The following LHFPL3 variants were observed in gnomAD, a reference collection of about 807,000 sequenced individuals.
LHFPL3 encodes LHFPL tetraspan subfamily member 3 protein.
Under a neutral mutation model 19.3 loss-of-function variants are expected in LHFPL3, and 5 were observed. The observed-to-expected ratio is 0.26, with a 90% CI of 0.14 to 0.54. The LOEUF (loss-of-function observed/expected upper bound fraction) is 0.54, where lower values mean the gene tolerates loss of function less well. Ranked by LOEUF, LHFPL3 falls within the 20% of genes least tolerant of loss-of-function variation. LHFPL3 has a pLI of 0.94. For synonymous variants in LHFPL3, 133 were observed against 126.2 expected (o/e 1.05, Z -0.36); for missense variants, 249 against 307.4 (o/e 0.81, Z 1.42).
intron 1 of LHFPL3, among the ~76,000 whole-genome samples, chr7:104,628,812 G>A (rs1541594): frequency 0.96 from 146,041 of 152,074 alleles, 70,358 homozygotes; most frequent in East Asian, 1. Flanking sequence ...AACTGACTCC[G>A]ATTCTCCTCT....
At chr7:104,836,383 C>T (rs1475312573) in intron 2 of LHFPL3, among the ~76,000 whole-genome samples, 2 of 152,166 alleles carry the variant, frequency 1.3e-5, no homozygotes, top group Non-Finnish European at 2.9e-5. Context: ...CCGTGGCTGT[C>T]TTGTTGCTTT....
At chr7:104,585,271 C>G (rs1400855233) in intron 1 of LHFPL3, among the ~76,000 whole-genome samples, 1 of 152,008 alleles carries the variant, frequency 6.6e-6, no homozygotes, top group Non-Finnish European at 1.5e-5. Context: ...AAGGACTCTA[C>G]CCAAGAAAAC....
intron 1 of LHFPL3, among the ~76,000 whole-genome samples, chr7:104,386,964 A>C (rs1321461877): frequency 6.6e-6 from 1 of 152,188 alleles, no homozygotes; most frequent in African/African-American, 2.4e-5. Context: ...TACAAGACAC[A>C]CAAAGAAACA....
rs147062289 is a variant in LHFPL3 at position 104,638,459 on chromosome 7, T to C, written c.446-98216T>C. ...GGAGTGGTGAGACAGGGCATCCTTG[T>C]CTTGTGCCAGTTTTCAAGAGAAATG... On this transcript the variant is annotated intron_variant, in intron 1 of 2. Transcript: ENST00000424859. Among the ~76,000 whole-genome samples, 96 of 152,230 alleles carry C rather than the reference T, an allele frequency of 6.3e-4. 1 individual carries two copies. The highest frequency in any genetic ancestry group is 2.2e-3 in the African/African-American group (90 of 41,554).
chr7:104,470,647 G>A (rs570574312), intron 1 of LHFPL3, among the ~76,000 whole-genome samples: 1 of 152,246 alleles, frequency 6.6e-6, no homozygotes, highest in African/African-American at 2.4e-5. Flanking sequence ...GGAAACAGAG[G>A]GGCAAATAGG....
At position 104,604,490 on chromosome 7, in the gene LHFPL3, C is replaced by T. The variant is rs78794659; in HGVS notation, c.446-132185C>T. ...GGCTCCCTTCTGCTCATCTCCTTAG[C>T]GGATGGCCACTTGGCCACACCCTTA... is the stretch of plus-strand genomic sequence containing the variant. On this transcript the variant is annotated intron_variant, in intron 1 of 2. Coordinates refer to ENST00000424859, the MANE Select transcript of LHFPL3 (RefSeq NM_199000.3). Among the ~76,000 whole-genome samples, 1,302 of 152,340 alleles carry T rather than the reference C, an allele frequency of 8.5e-3. 16 individuals carry two copies. The highest frequency in any genetic ancestry group is 0.024 in the Middle Eastern group (7 of 294).
At chr7:104,330,649 A>C (rs1801550148) in intron 1 of LHFPL3, among the ~76,000 whole-genome samples, 1 of 152,202 alleles carries the variant, frequency 6.6e-6, no homozygotes, top group Non-Finnish European at 1.5e-5. Context: ...GCAAGAAATG[A>C]GCAGCAGTAG....
At position 104,668,693 on chromosome 7, in the gene LHFPL3, T is replaced by C. The variant is rs867636362; in HGVS notation, c.446-67982T>C. The C allele has an allele frequency of 4.2e-5, 67 of 1,607,758 alleles. 1 individual carries two copies. The Middle Eastern group carries it at 3.7e-3, about 89-fold the overall frequency. ...GCTCCAGAGATGATTACTCTCGGGA[T>C]GATTATAGGCGTGATGATAGAGGTC... On this transcript the variant is annotated intron_variant, in intron 1 of 2. Coordinates refer to ENST00000424859, the MANE Select transcript of LHFPL3 (RefSeq NM_199000.3).
At chr7:104,742,713 T>C (rs778350978) in intron 2 of LHFPL3, among the ~76,000 whole-genome samples, 2 of 152,196 alleles carry the variant, frequency 1.3e-5, no homozygotes, top group Non-Finnish European at 2.9e-5. Context: ...AGCTATAATA[T>C]ATTTCAATTC....
Position 104,733,917 on chromosome 7 carries a change from G to A in LHFPL3, c.446-2758G>A, listed in dbSNP as rs190831796. 3.0e-3 allele frequency among the ~76,000 whole-genome samples: 458 copies of A among 152,254 alleles called. 3 individuals carry two copies. Among genetic ancestry groups the A allele is most frequent in the African/African-American group, 0.011 (443 of 41,536 alleles). ...CAGGAGCTCTTGTAGGGCAGGCCTGGTGGTGACAAAATCTCTCAGCATTTG... is the reference window on the plus strand; with the variant it reads ...CAGGAGCTCTTGTAGGGCAGGCCTGATGGTGACAAAATCTCTCAGCATTTG... On this transcript the variant is annotated intron_variant, in intron 1 of 2. Coordinates refer to ENST00000424859, the MANE Select transcript of LHFPL3 (RefSeq NM_199000.3).
intron 2 of LHFPL3, chr7:104,759,869 G>A (rs933729339): frequency 1.3e-5 from 2 of 152,190 alleles, no homozygotes; most frequent in Non-Finnish European, 2.9e-5. Flanking sequence ...AGAAAATCAA[G>A]GTTCAGGCAT....
chr7:104,409,145 G>T (rs1791484028), intron 1 of LHFPL3, among the ~76,000 whole-genome samples: 1 of 151,808 alleles, frequency 6.6e-6, no homozygotes, highest in Non-Finnish European at 1.5e-5. Context: ...CAAAATGCTG[G>T]GATTAGAGGC....
chr7:104,593,461 C>A (rs1223346359), intron 1 of LHFPL3, among the ~76,000 whole-genome samples: 1 of 152,068 alleles, frequency 6.6e-6, no homozygotes, highest in East Asian at 1.9e-4. Flanking sequence ...ACTTCCAAGT[C>A]TGTGGTCATT....
chr7:104,636,670 TG>T (rs1354387214), intron 1 of LHFPL3, among the ~76,000 whole-genome samples: 3 of 152,178 alleles, frequency 2.0e-5, no homozygotes, highest in Non-Finnish European at 4.4e-5. Flanking sequence ...CTAAGTATAA[TG>T]GCCTCCAGCT....
chr7:104,710,584 A>G (rs1793283872), intron 1 of LHFPL3, among the ~76,000 whole-genome samples: 1 of 152,186 alleles, frequency 6.6e-6, no homozygotes, highest in Non-Finnish European at 1.5e-5. Context: ...CCGAGGCATC[A>G]ATCCTGACAC....
At chr7:104,475,613 C>A (rs1189961293) in intron 1 of LHFPL3, among the ~76,000 whole-genome samples, 2 of 152,126 alleles carry the variant, frequency 1.3e-5, no homozygotes, top group East Asian at 3.9e-4. Context: ...AAAATTATGT[C>A]TCACAGAAAG....
chr7:104,343,658 A>T (rs548911049), intron 1 of LHFPL3, among the ~76,000 whole-genome samples: 2 of 151,990 alleles, frequency 1.3e-5, no homozygotes, highest in African/African-American at 4.8e-5. Flanking sequence ...AACACTTGCA[A>T]AATGAACCAT....
At chr7:104,385,206 A>G (rs1790914740) in intron 1 of LHFPL3, among the ~76,000 whole-genome samples, 1 of 152,196 alleles carries the variant, frequency 6.6e-6, no homozygotes, top group South Asian at 2.1e-4. Context: ...CAATACCATT[A>G]AACATTTGAA....
chr7:104,740,116 C>T (rs937930285), intron 2 of LHFPL3, among the ~76,000 whole-genome samples: 26 of 152,166 alleles, frequency 1.7e-4, no homozygotes, highest in African/African-American at 5.8e-4. Flanking sequence ...ACTTCTCTCT[C>T]CTGCTGCCAT....
Sources: gnomAD v4.1 joint callset for allele counts (sites outside exome capture counted in the v4.1 genomes callset) on GRCh38, gnomAD v4.1.1 for gene constraint, MANE v1.5 for transcripts, NCBI Gene and HGNC (gene_info 2026-07-23, HGNC 2026-07-21) for gene names.